ANGPT1: variants seen among roughly 807,000 people sequenced by gnomAD.
ANGPT1 encodes the protein angiopoietin 1, also known as angiopoietin-1.
In ANGPT1, 17 loss-of-function variants were observed where a neutral mutation model predicts 62.2. The ratio of observed to expected loss-of-function variants is 0.27; its 90% confidence interval spans 0.19 to 0.41. ANGPT1 has a LOEUF of 0.41. ANGPT1 is among the 10% of genes least tolerant of loss of function. The probability of loss-of-function intolerance (pLI) is 1.00; values close to 1 mark genes in which losing one functional copy is unlikely to be tolerated. For missense variants in ANGPT1, 478 were observed against 594.9 expected, an observed-to-expected ratio of 0.80 and a Z score of 2.04; for synonymous variants, 199 against 198.9, an observed-to-expected ratio of 1.00 and a Z score of 0.00.
At chr8:107,457,480 A>G (rs1811948848) in intron 1 of ANGPT1, among the ~76,000 whole-genome samples, 1 of 152,088 alleles carries the variant, frequency 6.6e-6, no homozygotes, top group Non-Finnish European at 1.5e-5. Context: ...AGCTTTCCAC[A>G]TGAGGCTTCT....
At chr8:107,463,035 T>C (rs1014900991) in intron 1 of ANGPT1, among the ~76,000 whole-genome samples, 1 of 152,146 alleles carries the variant, frequency 6.6e-6, no homozygotes, top group African/African-American at 2.4e-5. Context: ...ATGGACAAGA[T>C]TGAGTGACTT....
chr8:107,482,389 T>G (rs950386867), intron 1 of ANGPT1, among the ~76,000 whole-genome samples: 2 of 152,176 alleles, frequency 1.3e-5, no homozygotes, highest in Non-Finnish European at 2.9e-5. Context: ...TGCTCCCATG[T>G]CTAGAGCCTG....
intron 5 of ANGPT1, among the ~76,000 whole-genome samples, chr8:107,301,590 T>C (rs1192706731): frequency 1.3e-5 from 2 of 151,922 alleles, no homozygotes; most frequent in Non-Finnish European, 2.9e-5. Context: ...CTTTAAGCCA[T>C]GGGATTCAAT....
intron 8 of ANGPT1, among the ~76,000 whole-genome samples, chr8:107,257,870 G>GTTTTTTTTTTTTTTT (rs750634420): frequency 2.7e-4 from 12 of 45,240 alleles, no homozygotes; most frequent in Non-Finnish European, 3.2e-4. Context: ...CCAAGGACTT[G>GTTTTTTTTTTTTTTT]TTTTTGTTTC....
intron 1 of ANGPT1, among the ~76,000 whole-genome samples, chr8:107,391,295 A>C (rs1816830681): frequency 6.6e-6 from 1 of 152,164 alleles, no homozygotes; most frequent in Admixed American, 6.6e-5. Flanking sequence ...GCCCCAGGCC[A>C]CCTGGAATCC....
intron 8 of ANGPT1, among the ~76,000 whole-genome samples, chr8:107,259,725 C>T (rs1041855266): frequency 6.6e-6 from 1 of 152,070 alleles, no homozygotes; most frequent in East Asian, 1.9e-4. Flanking sequence ...AGAAATAATT[C>T]TTTAATTATA....
chr8:107,479,157 G>A (rs922266302), intron 1 of ANGPT1, among the ~76,000 whole-genome samples: 1 of 151,588 alleles, frequency 6.6e-6, no homozygotes, highest in Non-Finnish European at 1.5e-5. Flanking sequence ...TTTTGTTTTG[G>A]GGATTAGAGA....
chr8:107,403,936 A>T (rs1441914506), intron 1 of ANGPT1, among the ~76,000 whole-genome samples: 1 of 152,136 alleles, frequency 6.6e-6, no homozygotes, highest in East Asian at 1.9e-4. Flanking sequence ...CCACTGGAGA[A>T]TTTTAAAATT....
At chr8:107,299,350 C>T (rs559841552) in intron 5 of ANGPT1, among the ~76,000 whole-genome samples, 142 of 143,144 alleles carry the variant, frequency 9.9e-4, no homozygotes, top group African/African-American at 3.5e-3. Context: ...TAATGGGAGT[C>T]TCTATCTCAT....
At chr8:107,311,559 A>C (rs1814864812) in intron 4 of ANGPT1, among the ~76,000 whole-genome samples, 1 of 152,232 alleles carries the variant, frequency 6.6e-6, no homozygotes. Flanking sequence ...TCTTACATTT[A>C]TGTAGAGATG....
At chr8:107,416,921 A>G (rs945070069) in intron 1 of ANGPT1, among the ~76,000 whole-genome samples, 2 of 151,302 alleles carry the variant, frequency 1.3e-5, no homozygotes, top group African/African-American at 4.9e-5. Flanking sequence ...GTTCCCCAGT[A>G]GCTAGGACTA....
intron 1 of ANGPT1, among the ~76,000 whole-genome samples, chr8:107,429,979 C>A (rs1811138406): frequency 7.5e-6 from 1 of 133,060 alleles, no homozygotes. Context: ...ATCCATTTGT[C>A]ATGTGGGTGA....
chr8:107,325,522 C>T lies in ANGPT1; in HGVS notation c.576-3394G>A, dbSNP rs1021005763. On this transcript the variant is annotated intron_variant, in intron 3 of 8. Transcript: ENST00000517746. The stretch of plus-strand genomic sequence containing the variant: ...AAAAATTCTGAATTACCATTTTGTA[C>T]TTGAAATAAGATGGGCACTGGCCTT... Among the ~76,000 whole-genome samples the T allele has an allele frequency of 4.6e-5, 7 of 152,240 alleles. No homozygotes were observed. The South Asian group carries it at 8.3e-4, about 18-fold the overall frequency.
At chr8:107,420,098 A>G (rs1810858726) in intron 1 of ANGPT1, among the ~76,000 whole-genome samples, 1 of 152,188 alleles carries the variant, frequency 6.6e-6, no homozygotes, top group South Asian at 2.1e-4. Context: ...TAGGATTTCT[A>G]TAATTGATTT....
chr8:107,430,786 A>G (rs1563619457), intron 1 of ANGPT1, among the ~76,000 whole-genome samples: 2 of 152,282 alleles, frequency 1.3e-5, no homozygotes, highest in Non-Finnish European at 2.9e-5. Context: ...GGCCTCCAAA[A>G]GGAACCAACT....
At chr8:107,416,238 C>G (rs1366068924) in intron 1 of ANGPT1, among the ~76,000 whole-genome samples, 1 of 152,178 alleles carries the variant, frequency 6.6e-6, no homozygotes, top group Non-Finnish European at 1.5e-5. Context: ...GCCTCTGGAA[C>G]TTCTCACCAA....
intron 1 of ANGPT1, among the ~76,000 whole-genome samples, chr8:107,427,841 T>G (rs1811079558): frequency 6.6e-6 from 1 of 152,190 alleles, no homozygotes; most frequent in Non-Finnish European, 1.5e-5. Flanking sequence ...GAGTTATTAT[T>G]TCTAGTGTCA....
intron 1 of ANGPT1, among the ~76,000 whole-genome samples, chr8:107,380,923 C>T (rs1005813238): frequency 6.6e-6 from 1 of 152,210 alleles, no homozygotes; most frequent in Non-Finnish European, 1.5e-5. Context: ...TAATGCTTTG[C>T]ATTTGCAAAG....
At chr8:107,485,020 A>G (rs908436981) in intron 1 of ANGPT1, among the ~76,000 whole-genome samples, 9 of 152,168 alleles carry the variant, frequency 5.9e-5, no homozygotes, top group African/African-American at 2.2e-4. Context: ...AATCAAGAAA[A>G]TTGTACTCTA....
Sources: allele counts gnomAD v4.1 joint callset (sites outside exome capture counted in the v4.1 genomes callset), GRCh38; gene constraint gnomAD v4.1.1; transcripts MANE v1.5; gene names NCBI Gene and HGNC (gene_info 2026-07-23, HGNC 2026-07-21).